RFTN1: variants seen among roughly 807,000 people sequenced by gnomAD.
The protein encoded by RFTN1 is raftlin, lipid raft linker 1, also known as raftlin.
A neutral mutation model predicts 46.5 loss-of-function variants in RFTN1; 26 were observed. The observed-to-expected ratio is 0.56, with a 90% confidence interval of 0.41 to 0.78. The LOEUF (loss-of-function observed/expected upper bound fraction) is 0.78. Ranked by LOEUF, RFTN1 falls within the 30% of genes least tolerant of loss-of-function variation. RFTN1 has a pLI of 0.00. For synonymous variants in RFTN1, 261 were observed against 284.2 expected (o/e 0.92, Z 0.82); for missense variants, 693 against 718.7 (o/e 0.96, Z 0.41).
intron 3 of RFTN1, among the ~76,000 whole-genome samples, chr3:16,414,603 C>CA (rs71632872): frequency 0.35 from 38,716 of 112,026 alleles, 6,005 homozygotes; most frequent in East Asian, 0.5. Context: ...GACTTCATCT[C>CA]AAAAAAAAAA....
Position 16,404,222 on chromosome 3 carries a change from T to C in RFTN1, c.441+5153A>G, listed in dbSNP as rs1474934581. Among the ~76,000 whole-genome samples the C allele has an allele frequency of 2.2e-3, 17 of 7,804 alleles. 5 individuals carry two copies. The highest frequency in any genetic ancestry group is 3.4e-3 in the African/African-American group (5 of 1,450). 5.1% of individuals were successfully genotyped at this position (7,804 alleles called of 152,430 possible). A position where few individuals can be genotyped will look rare whatever the true frequency, so the allele number is the denominator to read the frequency against. ...CATTTTATATATATTATATAATATA[T>C]ATTTTATATATAATATATATTTTAT... On this transcript the variant is annotated intron_variant, in intron 4 of 9. Coordinates refer to ENST00000334133, the MANE Select transcript of RFTN1 (RefSeq NM_015150.2).
At position 16,345,622 on chromosome 3, in the gene RFTN1, T is replaced by C; in HGVS notation, c.1146+12310A>G. On this transcript the variant is annotated intron_variant, in intron 7 of 9. Coordinates refer to ENST00000334133, the MANE Select transcript of RFTN1 (RefSeq NM_015150.2). This position sits in a 1 kb window ranked among gnomAD's most constrained non-coding sequence, Gnocchi z 5.2. ...GTCCATCTTCTGCCCTTGTTGCTCC[T>C]GGTTCTCAGGGCTTGGGACCTGGAC... is the stretch of plus-strand genomic sequence containing the variant. Among the ~76,000 whole-genome samples the C allele has an allele frequency of 1.3e-5, 2 of 152,134 alleles. No individual in the cohort carries two copies. The highest frequency in any genetic ancestry group is 2.9e-5 in the Non-Finnish European group (2 of 68,024).
chr3:16,348,497 G>A lies in RFTN1; in HGVS notation c.1146+9435C>T, dbSNP rs1390375174. ...CTTGACTTGCCAATACCCAGCTGGA[G>A]CCCACTGTGTCCAGGAGGCCTTGTT... is the stretch of plus-strand genomic sequence containing the variant. On this transcript the variant is annotated intron_variant, in intron 7 of 9. Transcript: ENST00000334133. This position sits in a 1 kb window ranked among gnomAD's most constrained non-coding sequence, Gnocchi z 6.3. Among the ~76,000 whole-genome samples the A allele has an allele frequency of 6.6e-6, 1 of 152,122 alleles. No individual in the cohort carries two copies. The highest frequency in any genetic ancestry group is 1.5e-5 in the Non-Finnish European group (1 of 68,032).
Position 16,418,991 on chromosome 3 carries a change from G to A in RFTN1, c.333-9508C>T, listed in dbSNP as rs566661961. Among the ~76,000 whole-genome samples the A allele has an allele frequency of 5.3e-5, 8 of 152,314 alleles. No homozygotes were observed. In the South Asian group the frequency reaches 6.2e-4, roughly 12 times the overall value. On this transcript the variant is annotated intron_variant, in intron 3 of 9. Transcript: ENST00000334133. This position sits in a 1 kb window ranked among gnomAD's most constrained non-coding sequence, Gnocchi z 5.0. ...CAGGGGAAAATTTAAGGAGCAAGGCGTGTGTGGGCTGAGTCTTTGAGTCTG... is the reference window on the plus strand; with the variant it reads ...CAGGGGAAAATTTAAGGAGCAAGGCATGTGTGGGCTGAGTCTTTGAGTCTG...
At position 16,334,387 on chromosome 3, in the gene RFTN1, T is replaced by G. The variant is rs2070649990; in HGVS notation, c.1147-7511A>C. Among the ~76,000 whole-genome samples, 1 of 152,176 alleles carries G rather than the reference T, an allele frequency of 6.6e-6. No individual in the cohort carries two copies. The highest frequency in any genetic ancestry group is 1.5e-5 in the Non-Finnish European group (1 of 68,040). On this transcript the variant is annotated intron_variant, in intron 7 of 9. Transcript: ENST00000334133. This position sits in a 1 kb window ranked among gnomAD's most constrained non-coding sequence, Gnocchi z 4.3. ...TCAAAATTACAAACACATTTTCCCT[T>G]TGACCCAACAATCTCACTTCTGGGA...
At chr3:16,501,128 C>T (rs1575380474) in intron 1 of RFTN1, among the ~76,000 whole-genome samples, 1 of 152,160 alleles carries the variant, frequency 6.6e-6, no homozygotes, top group African/African-American at 2.4e-5. Context: ...CAGAGCAAGA[C>T]TTGTCTGTAA....
rs1559360893 is a variant in RFTN1, at chr3:16,466,085, C to T, written c.145+27640G>A. On this transcript the variant is annotated intron_variant, in intron 2 of 9. Transcript: ENST00000334133. This position sits in a 1 kb window ranked among gnomAD's most constrained non-coding sequence, Gnocchi z 5.6. Reference sequence around the variant, plus strand: ...TCTCATGCTCTGAATTCTTCTGTGGCTCCCCAGTGCTCAATTTTGGGGTCC... The same window carrying T: ...TCTCATGCTCTGAATTCTTCTGTGGTTCCCCAGTGCTCAATTTTGGGGTCC... 6.6e-6 allele frequency among the ~76,000 whole-genome samples: 1 copy of T among 152,214 alleles called. No homozygotes were observed.
chr3:16,511,520 T>C (rs759109876), intron 1 of RFTN1, among the ~76,000 whole-genome samples: 2 of 152,078 alleles, frequency 1.3e-5, no homozygotes, highest in African/African-American at 2.4e-5. Flanking sequence ...TCACTGTTCT[T>C]GCAACTTTTC....
rs561022078 is a variant in RFTN1 at position 16,342,453 on chromosome 3, T to C, written c.1146+15479A>G. Among the ~76,000 whole-genome samples, 2 of 152,226 alleles carry C rather than the reference T, an allele frequency of 1.3e-5. No individual in the cohort carries two copies. The highest frequency in any genetic ancestry group is 2.4e-5 in the African/African-American group (1 of 41,444). The stretch of plus-strand genomic sequence containing the variant: ...TCATTTGATGAACATTTAAGTTGTT[T>C]CTACTTTTTGGACATTACAAATAAA... On this transcript the variant is annotated intron_variant, in intron 7 of 9. Coordinates refer to ENST00000334133, the MANE Select transcript of RFTN1 (RefSeq NM_015150.2). The surrounding 1 kb of genome is among the most constrained non-coding windows in gnomAD (Gnocchi z 4.0).
In RFTN1 at chr3:16,440,820, C is replaced by T. The variant is rs1445864871; in HGVS notation, c.146-6783G>A. 6.6e-6 allele frequency among the ~76,000 whole-genome samples: 1 copy of T among 152,120 alleles called. No homozygotes were observed. The highest frequency in any genetic ancestry group is 1.5e-5 in the Non-Finnish European group (1 of 68,016). On this transcript the variant is annotated intron_variant, in intron 2 of 9. Coordinates refer to ENST00000334133, the MANE Select transcript of RFTN1 (RefSeq NM_015150.2). This position sits in a 1 kb window ranked among gnomAD's most constrained non-coding sequence, Gnocchi z 4.6. Reference sequence around the variant, plus strand: ...CAATCCCATATGGCCAAAGTCAAGACCTAGCAGCCTGCAGAGTATGGATGG... The same window carrying T: ...CAATCCCATATGGCCAAAGTCAAGATCTAGCAGCCTGCAGAGTATGGATGG...
intron 1 of RFTN1, among the ~76,000 whole-genome samples, chr3:16,510,160 G>A (rs765635430): frequency 2.6e-5 from 4 of 152,176 alleles, no homozygotes; most frequent in Non-Finnish European, 4.4e-5. Context: ...TTTCACAAGA[G>A]AGTCATTCTC....
At chr3:16,486,657 A>G (rs917253719) in intron 2 of RFTN1, among the ~76,000 whole-genome samples, 3 of 151,688 alleles carry the variant, frequency 2.0e-5, no homozygotes, top group African/African-American at 7.3e-5. Context: ...TGACACACAG[A>G]CTCCTCCATC....
intron 7 of RFTN1, among the ~76,000 whole-genome samples, chr3:16,347,251 C>T (rs2071787132): frequency 1.3e-5 from 2 of 152,210 alleles, no homozygotes; most frequent in South Asian, 4.1e-4. Context: ...TCAAGGACAC[C>T]CTACAGGGCA....
chr3:16,444,428 G>C lies in RFTN1; in HGVS notation c.146-10391C>G, dbSNP rs2075691269. 3.9e-5 allele frequency among the ~76,000 whole-genome samples: 6 copies of C among 152,234 alleles called. No individual in the cohort carries two copies. In the South Asian group the frequency reaches 1.2e-3, roughly 32 times the overall value. On this transcript the variant is annotated intron_variant, in intron 2 of 9. Transcript: ENST00000334133. ...CTATGGGTTTTTTCCAGGCGCTCCG[G>C]CTTCCTCCCACATCCCAAAGATGTG...
chr3:16,476,887 C>T (rs1414814705), intron 2 of RFTN1, among the ~76,000 whole-genome samples: 1 of 152,170 alleles, frequency 6.6e-6, no homozygotes, highest in Non-Finnish European at 1.5e-5. Flanking sequence ...AAATGAATTA[C>T]ATCCCCCTGG....
rs771745149 is a variant in RFTN1, at chr3:16,337,890, T to C, written c.1147-11014A>G. Among the ~76,000 whole-genome samples the C allele has an allele frequency of 6.6e-6, 1 of 152,212 alleles. No individual in the cohort carries two copies. Among genetic ancestry groups the C allele is most frequent in the Non-Finnish European group, 1.5e-5 (1 of 68,034 alleles). Reference sequence around the variant, plus strand: ...CTTATTTGCTCCAGGCCGGACACTTTGGCCTTGCATTACCTCTGGAGCCCT... The same window carrying C: ...CTTATTTGCTCCAGGCCGGACACTTCGGCCTTGCATTACCTCTGGAGCCCT... On this transcript the variant is annotated intron_variant, in intron 7 of 9. Transcript: ENST00000334133. This position sits in a 1 kb window ranked among gnomAD's most constrained non-coding sequence, Gnocchi z 5.0.
intron 7 of RFTN1, chr3:16,347,500 G>C (rs1451511767): frequency 6.6e-6 from 1 of 152,220 alleles, no homozygotes; most frequent in African/African-American, 2.4e-5. Context: ...GGCATTTCTT[G>C]TCTTGTGGCC....
intron 3 of RFTN1, among the ~76,000 whole-genome samples, chr3:16,412,764 C>A (rs909942992): frequency 6.6e-6 from 1 of 152,226 alleles, no homozygotes; most frequent in Non-Finnish European, 1.5e-5. Context: ...GCTAGAGAAT[C>A]CCTTACTGGC....
intron 2 of RFTN1, among the ~76,000 whole-genome samples, chr3:16,438,585 CAAAAAAAAAAA>C (rs61019061): frequency 3.3e-4 from 10 of 30,464 alleles, no homozygotes; most frequent in South Asian, 5.4e-3. Context: ...AACTCTGTCT[CAAAAAAAAAAA>C]AAAAAAAAAA....
Sources: allele counts gnomAD v4.1 joint callset (sites outside exome capture counted in the v4.1 genomes callset), GRCh38; gene constraint gnomAD v4.1.1; non-coding constraint Gnocchi (gnomAD v3.1); transcripts MANE v1.5; gene names NCBI Gene and HGNC (gene_info 2026-07-23, HGNC 2026-07-21).